ACSF3: variants seen among roughly 807,000 people sequenced by gnomAD.
The protein encoded by ACSF3 is acyl-CoA synthetase family member 3.
A neutral mutation model predicts 53.2 loss-of-function variants in ACSF3; 78 were observed. The ratio of observed to expected loss-of-function variants is 1.47; its 90% confidence interval spans 1.22 to 1.77. The LOEUF (loss-of-function observed/expected upper bound fraction) is 1.77. Ranked by LOEUF, ACSF3 falls within the 40% of genes most tolerant of loss-of-function variation. The pLI is 0.00. For synonymous variants in ACSF3, 414 were observed against 333.1 expected (o/e 1.24, Z -2.65); for missense variants, 937 against 771.1 (o/e 1.22, Z -2.55).
chr16:89,122,010 C>A (rs1279078285), intron 7 of ACSF3, among the ~76,000 whole-genome samples: 1 of 151,388 alleles, frequency 6.6e-6, no homozygotes, highest in African/African-American at 2.4e-5. Context: ...GGCTGTTATC[C>A]CCCGTGGCCC....
In ACSF3 at chr16:89,134,327, C is replaced by CAGTG. The variant is rs373129399; in HGVS notation, c.1366+1067_1366+1070dup. Among the ~76,000 whole-genome samples, 519 of 152,302 alleles carry CAGTG rather than the reference C, an allele frequency of 3.4e-3. 3 individuals are homozygous for CAGTG. Among genetic ancestry groups the CAGTG allele is most frequent in the African/African-American group, 0.011 (471 of 41,568 alleles). ...GGCCACAGAAAAGAACCATGGAACC[C>CAGTG]AGTGACTAGTGTTCAGCTTGATTAG... is the stretch of plus-strand genomic sequence containing the variant. On this transcript the variant is annotated intron_variant, in intron 8 of 10. Transcript: ENST00000614302.
At chr16:89,109,944 A>T (rs943421161) in intron 4 of ACSF3, among the ~76,000 whole-genome samples, 7 of 152,088 alleles carry the variant, frequency 4.6e-5, no homozygotes, top group African/African-American at 1.7e-4. Flanking sequence ...GTCTAATGAA[A>T]TCTTTGGCCA....
intron 8 of ACSF3, among the ~76,000 whole-genome samples, chr16:89,142,836 C>T (rs1277089406): frequency 6.6e-6 from 1 of 152,248 alleles, no homozygotes; most frequent in Non-Finnish European, 1.5e-5. Flanking sequence ...GAGACGGGGT[C>T]TCGCAGTGGG....
intron 6 of ACSF3, 60 bp from the exon 7 acceptor site, chr16:89,120,741 T>A: frequency 1.3e-6 from 2 of 1,521,822 alleles, no homozygotes; most frequent in Non-Finnish European, 1.8e-6. Flanking sequence ...CAGTGTGTGC[T>A]TCTCTCCTCC....
intron 6 of ACSF3, among the ~76,000 whole-genome samples, chr16:89,119,254 C>T (rs28485885): frequency 1.3e-5 from 2 of 152,220 alleles, no homozygotes; most frequent in South Asian, 2.1e-4. Flanking sequence ...CTGCGGCCCC[C>T]GCCCCTACCC....
At chr16:89,121,916 TAAA>T (rs1365483834) in intron 7 of ACSF3, among the ~76,000 whole-genome samples, 7 of 152,222 alleles carry the variant, frequency 4.6e-5, no homozygotes, top group Non-Finnish European at 8.8e-5. Flanking sequence ...TCAGTGTCAT[TAAA>T]TGACACTGAA....
At chr16:89,108,047 C>T (rs1976226482) in intron 4 of ACSF3, among the ~76,000 whole-genome samples, 1 of 152,274 alleles carries the variant, frequency 6.6e-6, no homozygotes, top group South Asian at 2.1e-4. Flanking sequence ...GAGGAAGAAG[C>T]AAAAGCGGAA....
At chr16:89,133,406 C>T (rs992541798) in intron 8 of ACSF3, 144 bp downstream of exon 8, 61 of 1,166,734 alleles carry the variant, frequency 5.2e-5, no homozygotes, top group Non-Finnish European at 6.8e-5. Context: ...GGGCTGGGGG[C>T]CACTGTTACG....
At chr16:89,117,059 C>T (rs1217142298) in intron 6 of ACSF3, among the ~76,000 whole-genome samples, 2 of 152,212 alleles carry the variant, frequency 1.3e-5, no homozygotes, top group East Asian at 1.9e-4. Flanking sequence ...ATGAGCAAAG[C>T]CCGGCTCGCT....
chr16:89,123,069 G>A (rs1907051771), intron 7 of ACSF3, among the ~76,000 whole-genome samples: 1 of 152,324 alleles, frequency 6.6e-6, no homozygotes, highest in African/African-American at 2.4e-5. Flanking sequence ...CGTACGGGGG[G>A]TTTGCATCTG....
intron 10 of ACSF3, chr16:89,151,165 G>C: frequency 1.6e-6 from 1 of 632,346 alleles, no homozygotes; most frequent in Non-Finnish European, 2.6e-6. Flanking sequence ...GAAGTCAGCA[G>C]TTCAGATGAA....
intron 4 of ACSF3, among the ~76,000 whole-genome samples, chr16:89,103,596 C>T (rs562382158): frequency 2.0e-5 from 3 of 152,368 alleles, no homozygotes; most frequent in African/African-American, 4.8e-5. Flanking sequence ...CCCACCACTG[C>T]GAGAGGTGAC....
In ACSF3 at chr16:89,101,086, G is replaced by A. The variant is rs755923777; in HGVS notation, c.405G>A (p.Glu135=). 1 of 1,614,134 alleles carries A rather than the reference G, an allele frequency of 6.2e-7. No homozygotes were observed. The highest frequency in any genetic ancestry group is 1.7e-5 in the Admixed American group (1 of 60,030). ...GGAAGCATCCCGCGGCCCAGCTGGA[G>A]TATGTCATCTGCGACTCCCAGAGCT... The part of the protein sequence containing the change: ...LYRKHPAAQL[E]YVICDSQSSV... The change falls in exon 3 of 11, where the codon GAG becomes GAA. Residue 135 remains glutamate, a synonymous_variant. Transcript: ENST00000614302.
intron 4 of ACSF3, among the ~76,000 whole-genome samples, chr16:89,111,468 G>A (rs1318841408): frequency 6.6e-6 from 1 of 152,234 alleles, no homozygotes; most frequent in Non-Finnish European, 1.5e-5. Context: ...AGCACGAAGA[G>A]TGCCCTCCTC....
At chr16:89,136,782 C>G (rs532505912) in intron 8 of ACSF3, 278 of 1,287,160 alleles carry the variant, frequency 2.2e-4, no homozygotes, top group Non-Finnish European at 2.6e-4. Context: ...GCTTGTGAGG[C>G]CAGGGGTCTC....
chr16:89,107,508 T>A (rs1976151369), intron 4 of ACSF3, among the ~76,000 whole-genome samples: 1 of 152,272 alleles, frequency 6.6e-6, no homozygotes, highest in Non-Finnish European at 1.5e-5. Context: ...TTTGTGTTTC[T>A]GGTTCACTGT....
chr16:89,124,628 CTGTG>C (rs1907581179), intron 7 of ACSF3, among the ~76,000 whole-genome samples: 1 of 151,646 alleles, frequency 6.6e-6, no homozygotes, highest in African/African-American at 2.4e-5. Context: ...TGTGTGATAC[CTGTG>C]CACATACCAT....
chr16:89,138,429 GC>G (rs1911062221), intron 8 of ACSF3, among the ~76,000 whole-genome samples: 1 of 152,234 alleles, frequency 6.6e-6, no homozygotes. Context: ...TCCTGGTGGG[GC>G]CCCAAGACCC....
chr16:89,153,878 C>A, intron 10 of ACSF3: 1 of 601,912 alleles, frequency 1.7e-6, no homozygotes, highest in Non-Finnish European at 3.0e-6. Flanking sequence ...AGTGATAACA[C>A]CATGCCGGGC....
Sources: gnomAD v4.1 joint callset for allele counts (sites outside exome capture counted in the v4.1 genomes callset) on GRCh38, gnomAD v4.1.1 for gene constraint, MANE v1.5 for transcripts, NCBI Gene and HGNC (gene_info 2026-07-23, HGNC 2026-07-21) for gene names.